The following PDE5A variants were observed in gnomAD, a reference collection of about 807,000 sequenced individuals.
The protein encoded by PDE5A is cGMP-specific 3',5'-cyclic phosphodiesterase.
Under a neutral mutation model 110.2 loss-of-function variants are expected in PDE5A, and 67 were observed. That is an observed-to-expected ratio of 0.61 (90% CI 0.50 to 0.75). The LOEUF (loss-of-function observed/expected upper bound fraction) is 0.75. Among genes scored for constraint, PDE5A ranks in the 30% least tolerant of loss-of-function variants. The probability of loss-of-function intolerance (pLI) is 0.00; values close to 1 mark genes in which losing one functional copy is unlikely to be tolerated. For synonymous variants in PDE5A, 328 were observed against 351.2 expected (o/e 0.93, Z 0.74); for missense variants, 862 against 1,045.1 (o/e 0.82, Z 2.42).
chr4:119,588,237 C>T (rs1021865156), intron 3 of PDE5A, among the ~76,000 whole-genome samples: 14 of 148,798 alleles, frequency 9.4e-5, no homozygotes, highest in African/African-American at 2.5e-4. Flanking sequence ...TGCACTGGCA[C>T]GATCTCAGCT....
chr4:119,564,892 C>T lies in PDE5A; in HGVS notation c.993+429G>A, dbSNP rs7685157. Among the ~76,000 whole-genome samples the T allele has an allele frequency of 7.2e-3, 1,088 of 152,002 alleles. 8 individuals are homozygous for T. The highest frequency in any genetic ancestry group is 0.011 in the Non-Finnish European group (757 of 67,944). ...AGATGGAAAAAGCAGGGCTAAGGAGCGGTAGTTGGGAAAAAGAGATAAAGA... is the reference window on the plus strand; with the variant it reads ...AGATGGAAAAAGCAGGGCTAAGGAGTGGTAGTTGGGAAAAAGAGATAAAGA... On this transcript the variant is annotated intron_variant, in intron 5 of 20. Coordinates refer to ENST00000354960, the MANE Select transcript of PDE5A (RefSeq NM_001083.4).
At position 119,500,725 on chromosome 4, in the gene PDE5A, C is replaced by T. The variant is rs562535685; in HGVS notation, c.2490+445G>A. On this transcript the variant is annotated intron_variant, in intron 20 of 20. Transcript: ENST00000354960. Reference sequence around the variant, plus strand: ...CCTCCAAAAGCCAAGCCAGCAGATACGTGGAAATGGGAACCTGCAATATTC... The same window carrying T: ...CCTCCAAAAGCCAAGCCAGCAGATATGTGGAAATGGGAACCTGCAATATTC... 2.4e-3 allele frequency: 366 copies of T among 152,548 alleles called. 2 individuals carry two copies. The highest frequency in any genetic ancestry group is 8.4e-3 in the African/African-American group (350 of 41,498). The allele number at this position is 152,548 out of a possible 1,614,324, so 9.4% of individuals were successfully genotyped here.
intron 3 of PDE5A, among the ~76,000 whole-genome samples, chr4:119,595,341 A>G (rs908485955): frequency 6.6e-5 from 10 of 152,196 alleles, no homozygotes; most frequent in Non-Finnish European, 1.5e-4. Context: ...CTGGGTCCCA[A>G]TCCCTGAGAT....
intron 20 of PDE5A, chr4:119,500,279 T>TTC (rs1725254247): frequency 6.9e-6 from 1 of 145,646 alleles, no homozygotes; most frequent in Admixed American, 6.9e-5. Context: ...TTTTTTTTTT[T>TTC]CTCCATGGTT....
At position 119,627,551 on chromosome 4, in the gene PDE5A, G is replaced by C. The variant is rs1282333216; in HGVS notation, c.152+969C>G. 1.3e-5 allele frequency: 2 copies of C among 152,618 alleles called. No individual in the cohort carries two copies. Among genetic ancestry groups the C allele is most frequent in the African/African-American group, 4.8e-5 (2 of 41,456 alleles). The allele number at this position is 152,618 out of a possible 1,614,324, so 9.5% of individuals were successfully genotyped here. The stretch of plus-strand genomic sequence containing the variant: ...GCACGGACTCTTTCTGCAAAGGGGC[G>C]CGTCCTGGAGTCCACGCACCCCGAC... On this transcript the variant is annotated intron_variant, in intron 1 of 20. Coordinates refer to ENST00000354960, the MANE Select transcript of PDE5A (RefSeq NM_001083.4). This position sits in a 1 kb window ranked among gnomAD's most constrained non-coding sequence, Gnocchi z 4.6.
intron 3 of PDE5A, among the ~76,000 whole-genome samples, chr4:119,595,262 T>C (rs1413382080): frequency 6.6e-6 from 1 of 152,200 alleles, no homozygotes; most frequent in African/African-American, 2.4e-5. Flanking sequence ...ACTTCTAATA[T>C]GATTGGCAGT....
intron 18 of PDE5A, among the ~76,000 whole-genome samples, chr4:119,504,191 A>G (rs1192225743): frequency 6.6e-6 from 1 of 152,046 alleles, no homozygotes; most frequent in East Asian, 1.9e-4. Context: ...TATGAGTGAG[A>G]ATGTGCAGTG....
chr4:119,616,077 T>G (rs759498570), intron 1 of PDE5A, among the ~76,000 whole-genome samples: 15 of 152,208 alleles, frequency 9.9e-5, no homozygotes, highest in Non-Finnish European at 1.5e-4. Context: ...ATAAATGAGT[T>G]GTATTACATA....
intron 9 of PDE5A, chr4:119,550,024 A>G (rs1371884805): frequency 1.3e-5 from 2 of 152,254 alleles, no homozygotes; most frequent in Non-Finnish European, 2.9e-5. Flanking sequence ...AATCTGGTCT[A>G]TGACATGTAA....
chr4:119,573,139 T>C (rs547109670), intron 3 of PDE5A, among the ~76,000 whole-genome samples: 1 of 152,364 alleles, frequency 6.6e-6, no homozygotes, highest in South Asian at 2.1e-4. Flanking sequence ...TATCAAACTG[T>C]ATTCATTTGA....
chr4:119,513,662 A>G (rs1458562792), intron 14 of PDE5A, among the ~76,000 whole-genome samples: 1 of 152,188 alleles, frequency 6.6e-6, no homozygotes, highest in East Asian at 1.9e-4. Flanking sequence ...CTGGCATTCA[A>G]GTATATCCTC....
intron 3 of PDE5A, among the ~76,000 whole-genome samples, chr4:119,576,517 C>T (rs62319612): frequency 0.097 from 14,793 of 152,166 alleles, 968 homozygotes; most frequent in Non-Finnish European, 0.15. Context: ...CAAACTAGAA[C>T]TCAGGATTAA....
chr4:119,528,065 A>T (rs1037358761), intron 11 of PDE5A, among the ~76,000 whole-genome samples: 3 of 151,300 alleles, frequency 2.0e-5, no homozygotes, highest in African/African-American at 7.3e-5. Flanking sequence ...AAAAAAAAAT[A>T]AAAAAACAAA....
Position 119,562,778 on chromosome 4 carries a change from T to C in PDE5A, c.1131+55A>G, listed in dbSNP as rs965817282. 7 of 1,412,920 alleles carry C rather than the reference T, an allele frequency of 5.0e-6. No individual in the cohort carries two copies. In the Admixed American group the frequency reaches 7.9e-5, roughly 16 times the overall value. 87.5% of individuals were successfully genotyped at this position (1,412,920 alleles called of 1,614,324 possible). A position where few individuals can be genotyped will look rare whatever the true frequency, so the allele number is the denominator to read the frequency against. ...AAATGAGGTTTAAAAGTAGTGCTTATAGAAATATAAGTTTCTGTCTTTCTA... is the reference window on the plus strand; with the variant it reads ...AAATGAGGTTTAAAAGTAGTGCTTACAGAAATATAAGTTTCTGTCTTTCTA... On this transcript the variant is annotated intron_variant, in intron 6 of 20. Coordinates refer to ENST00000354960, the MANE Select transcript of PDE5A (RefSeq NM_001083.4).
At chr4:119,503,144 C>T (rs997197895) in intron 18 of PDE5A, among the ~76,000 whole-genome samples, 5 of 152,054 alleles carry the variant, frequency 3.3e-5, no homozygotes, top group African/African-American at 4.8e-5. Flanking sequence ...CTTGTTTTCT[C>T]GGCATGTCTG....
At chr4:119,515,654 A>C (rs1020379485) in intron 14 of PDE5A, among the ~76,000 whole-genome samples, 1 of 152,048 alleles carries the variant, frequency 6.6e-6, no homozygotes, top group Non-Finnish European at 1.5e-5. Context: ...TCACTGTTCC[A>C]GTTTCTTGGA....
At position 119,627,057 on chromosome 4, in the gene PDE5A, T is replaced by G. The variant is rs1014198975; in HGVS notation, c.152+1463A>C. 19 of 1,424,744 alleles carry G rather than the reference T, an allele frequency of 1.3e-5. No individual in the cohort carries two copies. The highest frequency in any genetic ancestry group is 1.7e-5 in the Non-Finnish European group (17 of 1,020,440). 88.3% of individuals were successfully genotyped at this position (1,424,744 alleles called of 1,614,324 possible). A position where few individuals can be genotyped will look rare whatever the true frequency, so the allele number is the denominator to read the frequency against. ...AATTTTCAATGATACATCGTCCCACTGGTGCCACCGGGGCGCCACCACCCA... is the reference window on the plus strand; with the variant it reads ...AATTTTCAATGATACATCGTCCCACGGGTGCCACCGGGGCGCCACCACCCA... On this transcript the variant is annotated intron_variant, in intron 1 of 20. Transcript: ENST00000354960. The surrounding 1 kb of genome is among the most constrained non-coding windows in gnomAD (Gnocchi z 4.6).
At chr4:119,620,589 A>G (rs1332852322) in intron 1 of PDE5A, among the ~76,000 whole-genome samples, 1 of 152,164 alleles carries the variant, frequency 6.6e-6, no homozygotes, top group Non-Finnish European at 1.5e-5. Flanking sequence ...CATTTATCTG[A>G]GGTTTGAGAG....
chr4:119,589,869 G>T (rs1036557389), intron 3 of PDE5A, among the ~76,000 whole-genome samples: 2 of 152,130 alleles, frequency 1.3e-5, no homozygotes, highest in Non-Finnish European at 2.9e-5. Context: ...AATACAGGCA[G>T]ATCTCCTTGT....
Sources: allele counts gnomAD v4.1 joint callset (sites outside exome capture counted in the v4.1 genomes callset), GRCh38; gene constraint gnomAD v4.1.1; non-coding constraint Gnocchi (gnomAD v3.1); transcripts MANE v1.5; gene names NCBI Gene and HGNC (gene_info 2026-07-23, HGNC 2026-07-21).